The following CRTC1 variants were observed in gnomAD, a reference collection of about 807,000 sequenced individuals.
CRTC1 encodes the protein CREB-regulated transcription coactivator 1.
A neutral mutation model predicts 66.1 loss-of-function variants in CRTC1; 18 were observed. The ratio of observed to expected loss-of-function variants is 0.27; its 90% CI spans 0.19 to 0.40. The LOEUF is 0.40. Among genes scored for constraint, CRTC1 ranks in the 10% least tolerant of loss-of-function variants. The probability of loss-of-function intolerance (pLI) is 1.00; values close to 1 mark genes in which losing one functional copy is unlikely to be tolerated. For synonymous variants in CRTC1, 416 were observed against 398.8 expected, an observed-to-expected ratio of 1.04 and a Z score of -0.51; for missense variants, 669 against 887.9, an observed-to-expected ratio of 0.75 and a Z score of 3.13.
chr19:18,757,904 G>A (rs1278039591), intron 6 of CRTC1, among the ~76,000 whole-genome samples: 1 of 150,822 alleles, frequency 6.6e-6, no homozygotes, highest in Non-Finnish European at 1.5e-5. Flanking sequence ...TGTAGTCCCA[G>A]CTACTCGGGA....
At chr19:18,739,801 G>A (rs917389130) in intron 1 of CRTC1, among the ~76,000 whole-genome samples, 6 of 152,204 alleles carry the variant, frequency 3.9e-5, no homozygotes, top group African/African-American at 1.2e-4. Flanking sequence ...GGAGGACCCT[G>A]CTCCCAGGGG....
At chr19:18,752,918 G>A (rs1469118590) in intron 5 of CRTC1, among the ~76,000 whole-genome samples, 3 of 151,792 alleles carry the variant, frequency 2.0e-5, no homozygotes, top group African/African-American at 7.3e-5. Context: ...GATTACAGGC[G>A]TGAGCCACCA....
intron 2 of CRTC1, chr19:18,744,223 C>T (rs890875860): frequency 1.2e-4 from 176 of 1,500,952 alleles, no homozygotes; most frequent in Non-Finnish European, 1.4e-4. Context: ...GACCCGTGTG[C>T]GGGCGCTGGG....
chr19:18,767,490 C>T (rs77946620), intron 9 of CRTC1, among the ~76,000 whole-genome samples: 3,087 of 152,292 alleles, frequency 0.02, 55 homozygotes, highest in Middle Eastern at 0.058. Context: ...TGAGCCACCG[C>T]GCCCGTCACT....
At chr19:18,744,975 CAG>C (rs2054198703) in intron 2 of CRTC1, among the ~76,000 whole-genome samples, 1 of 152,168 alleles carries the variant, frequency 6.6e-6, no homozygotes, top group Non-Finnish European at 1.5e-5. Flanking sequence ...CATAAGGGCT[CAG>C]GGGCCAGATG....
In CRTC1 at chr19:18,747,129, ACCCCCC is replaced by A; in HGVS notation, c.443+20_443+25del. The A allele has an allele frequency of 1.8e-6, 2 of 1,106,586 alleles. No individual in the cohort carries two copies. Among genetic ancestry groups the A allele is most frequent in the African/African-American group, 2.2e-5 (1 of 45,506 alleles). 68.5% of individuals were successfully genotyped at this position (1,106,586 alleles called of 1,614,324 possible). A position where few individuals can be genotyped will look rare whatever the true frequency, so the allele number is the denominator to read the frequency against. On this transcript the variant is annotated intron_variant, in intron 4 of 13. Coordinates refer to ENST00000321949, the MANE Select transcript of CRTC1 (RefSeq NM_015321.3). ...AGCTGGAGAAGGTCAGTGGCTGGAC[ACCCCCC>A]CCCCGCCCCCTTCTTGTTGGAAACA...
intron 1 of CRTC1, among the ~76,000 whole-genome samples, chr19:18,694,879 A>T (rs926327135): frequency 6.8e-6 from 1 of 147,766 alleles, no homozygotes; most frequent in Non-Finnish European, 1.5e-5. Flanking sequence ...CAGTTCTCCC[A>T]CTTTCAGCGA....
At chr19:18,765,215 A>C (rs1209761998) in intron 8 of CRTC1, among the ~76,000 whole-genome samples, 189 bp from the exon 9 acceptor site, 5 of 152,192 alleles carry the variant, frequency 3.3e-5, no homozygotes, top group African/African-American at 1.2e-4. Context: ...ACTCTGCAGG[A>C]CTGTGGGACC....
At position 18,777,738 on chromosome 19, in the gene CRTC1, A is replaced by G. The variant is rs373980180; in HGVS notation, c.*356A>G. On this transcript the variant is annotated 3_prime_UTR_variant, in exon 14 of 14. Coordinates refer to ENST00000321949, the MANE Select transcript of CRTC1 (RefSeq NM_015321.3). This position sits in a 1 kb window ranked among gnomAD's most constrained non-coding sequence, Gnocchi z 5.5. ...AGCTCCCGGCGTGGCGGGCAGGCTC[A>G]GGGGAGGGGCGCGCATGGTCCGCCA... 4 of 356,870 alleles carry G rather than the reference A, an allele frequency of 1.1e-5. No homozygotes were observed. The highest frequency in any genetic ancestry group is 1.0e-4 in the Admixed American group (2 of 19,492). 22.1% of individuals were successfully genotyped at this position (356,870 alleles called of 1,614,324 possible).
intron 7 of CRTC1, 52 bp from the exon 8 acceptor site, chr19:18,759,956 G>GCCAGCCCCCTGTCCCCGCCC (rs754787204): frequency 1.8e-5 from 22 of 1,221,900 alleles, no homozygotes; most frequent in South Asian, 1.0e-4. Flanking sequence ...TGTCCCCGCC[G>GCCAGCCCCCTGTCCCCGCCC]CCAGCCCCGC....
chr19:18,745,148 C>T (rs1019636282), intron 2 of CRTC1, among the ~76,000 whole-genome samples: 6 of 152,294 alleles, frequency 3.9e-5, no homozygotes, highest in African/African-American at 1.4e-4. Flanking sequence ...AGCCTGGTGC[C>T]AGCCCCAGGT....
chr19:18,697,883 C>T (rs1423096724), intron 1 of CRTC1, among the ~76,000 whole-genome samples: 2 of 152,268 alleles, frequency 1.3e-5, no homozygotes, highest in Non-Finnish European at 2.9e-5. Context: ...AGAGGCACTT[C>T]GTGCCCACAC....
intron 1 of CRTC1, among the ~76,000 whole-genome samples, chr19:18,715,780 C>G (rs1184409827): frequency 6.6e-6 from 1 of 152,234 alleles, no homozygotes; most frequent in Admixed American, 6.5e-5. Flanking sequence ...CAGGGGGTCT[C>G]TCTGAGTTGG....
At chr19:18,742,229 C>G (rs2054127254) in intron 1 of CRTC1, among the ~76,000 whole-genome samples, 1 of 152,150 alleles carries the variant, frequency 6.6e-6, no homozygotes, top group South Asian at 2.1e-4. Flanking sequence ...GAGCTCCTGG[C>G]CCCTGGTTCT....
intron 2 of CRTC1, among the ~76,000 whole-genome samples, 178 bp from the exon 3 acceptor site, chr19:18,745,645 T>C (rs1014837576): frequency 6.6e-6 from 1 of 152,120 alleles, no homozygotes; most frequent in African/African-American, 2.4e-5. Flanking sequence ...CCCCCAGTGC[T>C]TGGAGAGCCA....
chr19:18,687,640 G>A (rs1483294672), intron 1 of CRTC1, among the ~76,000 whole-genome samples: 1 of 152,096 alleles, frequency 6.6e-6, no homozygotes, highest in African/African-American at 2.4e-5. Context: ...AGGCATGATC[G>A]GGTCGGCACC....
Position 18,768,850 on chromosome 19 carries a change from C to T in CRTC1, c.1320+57C>T, listed in dbSNP as rs908280945. 14 of 1,525,450 alleles carry T rather than the reference C, an allele frequency of 9.2e-6. No homozygotes were observed. Among genetic ancestry groups the T allele is most frequent in the South Asian group, 5.0e-5 (4 of 80,128 alleles). The allele number at this position is 1,525,450 out of a possible 1,614,324, so 94.5% of individuals were successfully genotyped here. On this transcript the variant is annotated intron_variant, in intron 10 of 13. Transcript: ENST00000321949. This position sits in a 1 kb window ranked among gnomAD's most constrained non-coding sequence, Gnocchi z 5.6. ...ACTGGGGGTCTTGTAGAGGACAGCC[C>T]GGGGGCTGCAGAACAGTCGGGTTAC...
chr19:18,765,410 G>A lies in CRTC1; in HGVS notation c.893G>A (p.Ser298Asn). The A allele has an allele frequency of 1.2e-6, 2 of 1,611,882 alleles. No individual in the cohort carries two copies. The highest frequency in any genetic ancestry group is 1.3e-5 in the African/African-American group (1 of 75,026). ...CCTCCTACTTCCTCTCTAGGAATGAGCACACCTGGCTCCTCTCCACAGCAC... is the reference window on the plus strand; with the variant it reads ...CCTCCTACTTCCTCTCTAGGAATGAACACACCTGGCTCCTCTCCACAGCAC... ...LGIGGAGQGMSTPGSSPQHRP... is the reference protein window; with the variant it reads ...LGIGGAGQGMNTPGSSPQHRP... Residue 298 changes from serine to asparagine, a missense_variant, in exon 9 of 14, where the codon AGC (serine) becomes AAC (asparagine). Transcript: ENST00000321949.
intron 1 of CRTC1, among the ~76,000 whole-genome samples, chr19:18,694,838 G>A (rs1330961331): frequency 6.6e-6 from 1 of 152,160 alleles, no homozygotes; most frequent in Non-Finnish European, 1.5e-5. Context: ...CAGGGGCTGG[G>A]GGTGGTTAGC....
Sources: gnomAD v4.1 joint callset for allele counts (sites outside exome capture counted in the v4.1 genomes callset) on GRCh38, gnomAD v4.1.1 for gene constraint, Gnocchi (gnomAD v3.1) non-coding constraint, MANE v1.5 for transcripts, NCBI Gene and HGNC (gene_info 2026-07-23, HGNC 2026-07-21) for gene names.